ADCY8: variants seen among roughly 807,000 people sequenced by gnomAD.
The protein encoded by ADCY8 is adenylate cyclase type 8.
In ADCY8, 51 loss-of-function variants were observed where a neutral mutation model predicts 119.7. The observed-to-expected ratio is 0.43, with a 90% confidence interval of 0.34 to 0.54. The LOEUF (loss-of-function observed/expected upper bound fraction) is 0.54, where lower values mean the gene tolerates loss of function less well. Ranked by LOEUF, ADCY8 falls within the 20% of genes least tolerant of loss-of-function variation. The pLI, the probability that ADCY8 is intolerant of heterozygous loss-of-function variation, is 0.03. For synonymous variants in ADCY8, 665 were observed against 651.0 expected, an observed-to-expected ratio of 1.02 and a Z score of -0.33; for missense variants, 1,383 against 1,598.8, an observed-to-expected ratio of 0.87 and a Z score of 2.30.
intron 11 of ADCY8, among the ~76,000 whole-genome samples, chr8:130,841,950 C>T (rs541252351): frequency 7.9e-5 from 12 of 152,238 alleles, no homozygotes; most frequent in African/African-American, 1.9e-4. Context: ...TGCAGAATGT[C>T]GAGCAAGGAG....
At chr8:130,854,473 C>G (rs1420018277) in intron 9 of ADCY8, among the ~76,000 whole-genome samples, 1 of 152,124 alleles carries the variant, frequency 6.6e-6, no homozygotes, top group Non-Finnish European at 1.5e-5. Context: ...CAATAGGAAA[C>G]AAAAACTCAG....
At chr8:130,962,334 G>T (rs555793463) in intron 2 of ADCY8, among the ~76,000 whole-genome samples, 39 of 152,208 alleles carry the variant, frequency 2.6e-4, no homozygotes, top group African/African-American at 9.4e-4. Context: ...CCCAACTCCT[G>T]CTGGGGCGCA....
intron 9 of ADCY8, among the ~76,000 whole-genome samples, chr8:130,854,030 A>G (rs1817627972): frequency 6.6e-6 from 1 of 152,254 alleles, no homozygotes; most frequent in Non-Finnish European, 1.5e-5. Context: ...AAAGCACTTT[A>G]AAGTTCTATG....
At chr8:130,854,802 C>T (rs1214836015) in intron 9 of ADCY8, among the ~76,000 whole-genome samples, 3 of 113,140 alleles carry the variant, frequency 2.7e-5, no homozygotes, top group Admixed American at 8.7e-5. Flanking sequence ...TCTTTCCCTC[C>T]GTCCCTCCCT....
chr8:130,796,987 T>A (rs1389316603), intron 15 of ADCY8, among the ~76,000 whole-genome samples: 1 of 152,224 alleles, frequency 6.6e-6, no homozygotes, highest in Admixed American at 6.5e-5. Context: ...GGCACTGCCC[T>A]CTTTCTCCGC....
chr8:130,989,004 T>C (rs1185190938), intron 2 of ADCY8, among the ~76,000 whole-genome samples: 1 of 152,212 alleles, frequency 6.6e-6, no homozygotes, highest in Non-Finnish European at 1.5e-5. Flanking sequence ...AAGAGTGACA[T>C]GCCAGTCTGG....
chr8:130,833,744 C>T (rs1041418390), intron 12 of ADCY8, among the ~76,000 whole-genome samples: 1 of 152,110 alleles, frequency 6.6e-6, no homozygotes, highest in Non-Finnish European at 1.5e-5. Context: ...TGTCACTTTA[C>T]CTATGAGCAA....
At position 131,039,358 on chromosome 8, in the gene ADCY8, G is replaced by A. The variant is rs1306481392; in HGVS notation, c.960+16C>T. ...GAAGTTAGAGGGGAAACAAATGCAAGGCAGGCAGGAGTTACCTGGTTGATG... is the reference window on the plus strand; with the variant it reads ...GAAGTTAGAGGGGAAACAAATGCAAAGCAGGCAGGAGTTACCTGGTTGATG... On this transcript the variant is annotated intron_variant, in intron 1 of 17. Transcript: ENST00000286355. 9 of 1,608,608 alleles carry A rather than the reference G, an allele frequency of 5.6e-6. No individual in the cohort carries two copies. The highest frequency in any genetic ancestry group is 7.7e-6 in the Non-Finnish European group (9 of 1,175,990).
chr8:130,819,963 G>T (rs559532566), intron 13 of ADCY8, among the ~76,000 whole-genome samples: 1 of 152,274 alleles, frequency 6.6e-6, no homozygotes, highest in Admixed American at 6.5e-5. Flanking sequence ...GAAAGGGGAG[G>T]CTTTGAAGAC....
intron 14 of ADCY8, among the ~76,000 whole-genome samples, chr8:130,811,968 G>C (rs1187202406): frequency 6.6e-6 from 1 of 152,188 alleles, no homozygotes; most frequent in Non-Finnish European, 1.5e-5. Context: ...TTCCCTTGAA[G>C]GTTAGAGGGG....
At chr8:130,808,738 C>T (rs1261372037) in intron 14 of ADCY8, among the ~76,000 whole-genome samples, 1 of 152,044 alleles carries the variant, frequency 6.6e-6, no homozygotes, top group Non-Finnish European at 1.5e-5. Flanking sequence ...TCAGCAAGGT[C>T]GGTATTATTT....
At chr8:130,984,880 TG>T (rs1482146505) in intron 2 of ADCY8, among the ~76,000 whole-genome samples, 1 of 152,122 alleles carries the variant, frequency 6.6e-6, no homozygotes, top group Non-Finnish European at 1.5e-5. Context: ...GGTGGGCATC[TG>T]GATCTCAGAA....
At chr8:130,927,888 A>G (rs183670812) in intron 5 of ADCY8, among the ~76,000 whole-genome samples, 25 of 152,278 alleles carry the variant, frequency 1.6e-4, no homozygotes, top group African/African-American at 5.8e-4. Flanking sequence ...TTCAGATCTT[A>G]GAGGAAAAGA....
intron 11 of ADCY8, 48 bp downstream of exon 11, chr8:130,847,376 G>A: frequency 7.2e-7 from 1 of 1,385,736 alleles, no homozygotes; most frequent in Non-Finnish European, 1.0e-6. Context: ...AGCTGGTAGA[G>A]ATATATCTAT....
chr8:130,928,766 G>A (rs1483181160), intron 5 of ADCY8, among the ~76,000 whole-genome samples: 5 of 152,184 alleles, frequency 3.3e-5, no homozygotes, highest in African/African-American at 4.8e-5. Context: ...TTTTTCTAGT[G>A]TCTTTGTCTG....
At chr8:130,810,673 C>T (rs62520512) in intron 14 of ADCY8, among the ~76,000 whole-genome samples, 12,654 of 152,298 alleles carry the variant, frequency 0.083, 763 homozygotes, top group Admixed American at 0.18. Flanking sequence ...TGTGAAAATT[C>T]TCTAGGCAAT....
At chr8:130,921,401 T>C (rs1820297642) in intron 5 of ADCY8, among the ~76,000 whole-genome samples, 1 of 152,030 alleles carries the variant, frequency 6.6e-6, no homozygotes, top group African/African-American at 2.4e-5. Flanking sequence ...CATTGAATAT[T>C]AATGTAAACC....
chr8:130,943,035 A>G (rs1481660722), intron 4 of ADCY8, among the ~76,000 whole-genome samples: 1 of 152,190 alleles, frequency 6.6e-6, no homozygotes, highest in Non-Finnish European at 1.5e-5. Flanking sequence ...CTGAAGCTGC[A>G]GCTGGATGGC....
At chr8:130,835,380 A>G (rs1223331127) in intron 12 of ADCY8, among the ~76,000 whole-genome samples, 1 of 152,188 alleles carries the variant, frequency 6.6e-6, no homozygotes, top group East Asian at 1.9e-4. Flanking sequence ...GCCTGCCCAG[A>G]GGCATTTCAA....
Sources: gnomAD v4.1 joint callset for allele counts (sites outside exome capture counted in the v4.1 genomes callset) on GRCh38, gnomAD v4.1.1 for gene constraint, MANE v1.5 for transcripts, NCBI Gene and HGNC (gene_info 2026-07-23, HGNC 2026-07-21) for gene names.